The following LRRC36 variants were observed in gnomAD, a reference collection of about 807,000 sequenced individuals.
LRRC36 encodes leucine-rich repeat-containing protein 36.
Under a neutral mutation model 81.1 loss-of-function variants are expected in LRRC36, and 62 were observed. The observed-to-expected ratio is 0.76, with a 90% CI of 0.62 to 0.94. The LOEUF is 0.94. Among genes scored for constraint, LRRC36 ranks in the 40% least tolerant of loss-of-function variants. LRRC36 has a pLI of 0.00. For missense variants in LRRC36, 761 were observed against 881.7 expected, an observed-to-expected ratio of 0.86 and a Z score of 1.73; for synonymous variants, 334 against 348.6, an observed-to-expected ratio of 0.96 and a Z score of 0.47.
At chr16:67,340,123 CAA>C (rs907561331) in intron 1 of LRRC36, among the ~76,000 whole-genome samples, 1 of 151,588 alleles carries the variant, frequency 6.6e-6, no homozygotes, top group African/African-American at 2.4e-5. Flanking sequence ...GCCTGGGTGA[CAA>C]GAGTGAGATT....
At chr16:67,338,602 A>G (rs1212845300) in intron 1 of LRRC36, among the ~76,000 whole-genome samples, 1 of 152,200 alleles carries the variant, frequency 6.6e-6, no homozygotes, top group Non-Finnish European at 1.5e-5. Context: ...TTCAGAATCT[A>G]TTGGTATATC....
In LRRC36 at chr16:67,331,725, C is replaced by T. The variant is rs902077030; in HGVS notation, c.70+4793C>T. Among the ~76,000 whole-genome samples, 15 of 152,110 alleles carry T rather than the reference C, an allele frequency of 9.9e-5. 1 individual carries two copies. The South Asian group carries it at 1.0e-3, about 11-fold the overall frequency. The stretch of plus-strand genomic sequence containing the variant: ...TTTTATGGCCAGGTGTAGTGGCTCA[C>T]GCCTGTAATCCCAGCACTTTGGGAA... On this transcript the variant is annotated intron_variant, in intron 1 of 13. Transcript: ENST00000329956.
rs4783588 is a variant in LRRC36 at position 67,380,465 on chromosome 16, T to A, written c.1931-1668T>A. Among the ~76,000 whole-genome samples, 1,097 of 152,340 alleles carry A rather than the reference T, an allele frequency of 7.2e-3. 27 individuals are homozygous for A. Among genetic ancestry groups the A allele is most frequent in the Admixed American group, 0.046 (704 of 15,300 alleles). Reference sequence around the variant, plus strand: ...ATTATCAGCATAGTTTAGGCCAGTATGTTAGATAAAGTTTGCGCTTGACAG... The same window carrying A: ...ATTATCAGCATAGTTTAGGCCAGTAAGTTAGATAAAGTTTGCGCTTGACAG... On this transcript the variant is annotated intron_variant, in intron 12 of 13. Coordinates refer to ENST00000329956, the MANE Select transcript of LRRC36 (RefSeq NM_018296.6).
rs927269111 is a variant in LRRC36 at position 67,377,644 on chromosome 16, C to CT, written c.1806+780dup. Among the ~76,000 whole-genome samples the CT allele has an allele frequency of 5.5e-5, 8 of 146,532 alleles. No individual in the cohort carries two copies. The East Asian group carries it at 6.2e-4, about 11-fold the overall frequency. ...ACTGCACCTGGCCGCCTTTTTTCTT[C>CT]TTTTTTTTGAGATGGGGTCTTGTTC... On this transcript the variant is annotated intron_variant, in intron 11 of 13. Transcript: ENST00000329956.
Position 67,326,867 on chromosome 16 carries a change from C to T in LRRC36, c.5C>T (p.Ala2Val). The stretch of plus-strand genomic sequence containing the variant: ...GCAGGTGAGCGGCGGGCGGGGATGG[C>T]GGAGCAATGGGAGCTGGACGAGGAA... M[A>V]EQWELDEEGI... Residue 2 changes from alanine (A) to valine (V), a missense_variant, in exon 1 of 14, where the codon GCG (alanine) becomes GTG (valine). Physicochemically the swap from Ala to Val is moderately conservative, Grantham distance 64. This residue lies in a region of LRRC36 where 263 missense variants were observed against 279.3 expected (regional missense o/e 0.94). Coordinates refer to ENST00000329956, the MANE Select transcript of LRRC36 (RefSeq NM_018296.6). 7.7e-6 allele frequency: 11 copies of T among 1,434,544 alleles called. No homozygotes were observed. The highest frequency in any genetic ancestry group is 1.5e-5 in the South Asian group (1 of 65,428). 88.9% of individuals were successfully genotyped at this position (1,434,544 alleles called of 1,614,324 possible). A position where few individuals can be genotyped will look rare whatever the true frequency, so the allele number is the denominator to read the frequency against.
At chr16:67,338,240 A>G (rs1321544481) in intron 1 of LRRC36, among the ~76,000 whole-genome samples, 1 of 152,148 alleles carries the variant, frequency 6.6e-6, no homozygotes, top group African/African-American at 2.4e-5. Flanking sequence ...GTTAATATAA[A>G]TATTTCTATG....
intron 7 of LRRC36, among the ~76,000 whole-genome samples, chr16:67,366,471 C>T (rs760892638): frequency 1.7e-4 from 26 of 151,784 alleles, no homozygotes; most frequent in African/African-American, 6.3e-4. Context: ...AAAAATTAGC[C>T]GGGCATGGTG....
chr16:67,332,016 T>C (rs1054228404), intron 1 of LRRC36, among the ~76,000 whole-genome samples: 3 of 152,068 alleles, frequency 2.0e-5, no homozygotes, highest in Non-Finnish European at 4.4e-5. Flanking sequence ...GAAAAAGTTT[T>C]ATTTATTAGA....
chr16:67,357,405 T>C (rs969749290), intron 5 of LRRC36, among the ~76,000 whole-genome samples: 1 of 152,344 alleles, frequency 6.6e-6, no homozygotes, highest in East Asian at 1.9e-4. Context: ...TAATTAGCAA[T>C]GGAAAAGAAA....
intron 11 of LRRC36, 116 bp from the exon 12 acceptor site, chr16:67,378,473 C>T (rs2039993101): frequency 1.2e-6 from 1 of 858,070 alleles, no homozygotes; most frequent in Admixed American, 2.4e-5. Context: ...CTCCTGAGCT[C>T]AGGCAAACCA....
intron 12 of LRRC36, 59 bp downstream of exon 12, chr16:67,378,771 T>G: frequency 6.3e-7 from 1 of 1,580,744 alleles, no homozygotes; most frequent in African/African-American, 1.4e-5. Flanking sequence ...TGTTTATAGA[T>G]GACCCATTTA....
intron 7 of LRRC36, among the ~76,000 whole-genome samples, chr16:67,366,419 A>G (rs1351694293): frequency 1.3e-5 from 2 of 152,148 alleles, no homozygotes; most frequent in African/African-American, 4.8e-5. Context: ...GTTTGAGACC[A>G]GCATGGCCAA....
Position 67,385,157 on chromosome 16 carries a change from A to AC in LRRC36, c.*68_*69insC. 29 of 1,125,020 alleles carry AC rather than the reference A, an allele frequency of 2.6e-5. No individual in the cohort carries two copies. The highest frequency in any genetic ancestry group is 3.9e-5 in the Non-Finnish European group (29 of 747,204). 69.7% of individuals were successfully genotyped at this position (1,125,020 alleles called of 1,614,324 possible). On this transcript the variant is annotated 3_prime_UTR_variant, in exon 14 of 14. Coordinates refer to ENST00000329956, the MANE Select transcript of LRRC36 (RefSeq NM_018296.6). ...GGCTCTCACCGCCATTGCCACCAGT[A>AC]TGGTGGTATGTACTCACAAAGATTA...
intron 1 of LRRC36, chr16:67,336,562 A>G (rs1461110801): frequency 3.3e-5 from 5 of 152,114 alleles, no homozygotes; most frequent in Non-Finnish European, 7.4e-5. Flanking sequence ...TTTCCTAACG[A>G]TTTATGATGT....
chr16:67,341,111 T>A (rs1228073588), intron 1 of LRRC36, among the ~76,000 whole-genome samples: 1 of 108,508 alleles, frequency 9.2e-6, no homozygotes, highest in African/African-American at 4.4e-5. Flanking sequence ...CTCTACATAT[T>A]CTATAGAATA....
chr16:67,360,074 G>A (rs1438979103), intron 5 of LRRC36, among the ~76,000 whole-genome samples: 2 of 151,480 alleles, frequency 1.3e-5, no homozygotes, highest in African/African-American at 2.4e-5. Flanking sequence ...GCAGTGAGCC[G>A]AGATTGCGCC....
chr16:67,374,990 T>G (rs2039823886), intron 9 of LRRC36, among the ~76,000 whole-genome samples: 1 of 151,480 alleles, frequency 6.6e-6, no homozygotes, highest in Non-Finnish European at 1.5e-5. Flanking sequence ...CTTAGCCGGG[T>G]GTGGTGGCAC....
At chr16:67,350,618 C>A (rs1236094464) in intron 5 of LRRC36, among the ~76,000 whole-genome samples, 1 of 152,220 alleles carries the variant, frequency 6.6e-6, no homozygotes, top group Non-Finnish European at 1.5e-5. Context: ...CCAGCTCACA[C>A]CCTGGGCTTC....
In LRRC36 at chr16:67,350,198, G is replaced by A; in HGVS notation, c.489-4G>A. 3.8e-6 allele frequency: 6 copies of A among 1,581,238 alleles called. No individual in the cohort carries two copies. Among genetic ancestry groups the A allele is most frequent in the Non-Finnish European group, 5.2e-6 (6 of 1,164,144 alleles). The stretch of plus-strand genomic sequence containing the variant: ...AGTTGTAAATAAATTATTCTATGTG[G>A]CAGCTCTAGGGAGAAGACAATGAAA... On this transcript the variant is annotated splice_region_variant and splice_polypyrimidine_tract_variant and intron_variant, in intron 4 of 13. Transcript: ENST00000329956.
Sources: gnomAD v4.1 joint callset for allele counts (sites outside exome capture counted in the v4.1 genomes callset) on GRCh38, gnomAD v4.1.1 for gene constraint, gnomAD v4.1.1 regional missense constraint, MANE v1.5 for transcripts, NCBI Gene and HGNC (gene_info 2026-07-23, HGNC 2026-07-21) for gene names.